The following SPOCK3 variants were observed in gnomAD, a reference collection of about 807,000 sequenced individuals.
SPOCK3 encodes testican-3.
Under a neutral mutation model 56.6 loss-of-function variants are expected in SPOCK3, and 30 were observed. The observed-to-expected ratio is 0.53, with a 90% CI of 0.40 to 0.72. SPOCK3 has a LOEUF of 0.72. Ranked by LOEUF, SPOCK3 falls within the 30% of genes least tolerant of loss-of-function variation. The pLI is 0.00. For missense variants in SPOCK3, 527 were observed against 530.0 expected (o/e 0.99, Z 0.06); for synonymous variants, 196 against 183.3 (o/e 1.07, Z -0.56).
In SPOCK3 at chr4:167,075,517, A is replaced by G. The variant is rs201396159; in HGVS notation, c.190-12980T>C. 3.3e-5 allele frequency among the ~76,000 whole-genome samples: 5 copies of G among 152,096 alleles called. No individual in the cohort carries two copies. In the East Asian group the frequency reaches 7.8e-4, roughly 24 times the overall value. Reference sequence around the variant, plus strand: ...CTGATAAAAATCTACGAATTCAACCAATAATAAAATGTCACATCTCCAAAA... The same window carrying G: ...CTGATAAAAATCTACGAATTCAACCGATAATAAAATGTCACATCTCCAAAA... On this transcript the variant is annotated intron_variant, in intron 2 of 10. Coordinates refer to ENST00000357545, the MANE Select transcript of SPOCK3 (RefSeq NM_001040159.2).
intron 2 of SPOCK3, among the ~76,000 whole-genome samples, chr4:167,125,187 G>T (rs1017379801): frequency 7.3e-6 from 1 of 137,072 alleles, no homozygotes; most frequent in African/African-American, 2.8e-5. Context: ...TGAGCACAGA[G>T]ATTTTTTATT....
At chr4:166,944,439 A>C (rs1039200188) in intron 4 of SPOCK3, among the ~76,000 whole-genome samples, 1 of 152,170 alleles carries the variant, frequency 6.6e-6, no homozygotes, top group Non-Finnish European at 1.5e-5. Flanking sequence ...TGTCCTTTTT[A>C]GTAAATGAAT....
intron 2 of SPOCK3, among the ~76,000 whole-genome samples, chr4:167,091,567 T>C (rs1280897039): frequency 6.6e-6 from 1 of 152,192 alleles, no homozygotes; most frequent in Non-Finnish European, 1.5e-5. Flanking sequence ...ATATGAAAAT[T>C]GCTGCTCCCT....
At chr4:166,932,434 C>A (rs940260924) in intron 4 of SPOCK3, among the ~76,000 whole-genome samples, 2 of 152,066 alleles carry the variant, frequency 1.3e-5, no homozygotes, top group African/African-American at 4.8e-5. Flanking sequence ...ATCCTGGTAA[C>A]ATTAAAGCTA....
At chr4:167,115,042 G>A (rs948760263) in intron 2 of SPOCK3, among the ~76,000 whole-genome samples, 1 of 152,128 alleles carries the variant, frequency 6.6e-6, no homozygotes, top group African/African-American at 2.4e-5. Context: ...GGGAACTGGA[G>A]CCTATAAGAA....
chr4:166,905,763 T>A (rs1015084981), intron 5 of SPOCK3, among the ~76,000 whole-genome samples: 2 of 151,842 alleles, frequency 1.3e-5, no homozygotes, highest in Non-Finnish European at 1.5e-5. Context: ...CTAGAAATAA[T>A]AAGTGAATTT....
chr4:167,204,484 G>C (rs1466133911), intron 2 of SPOCK3, among the ~76,000 whole-genome samples: 1 of 152,066 alleles, frequency 6.6e-6, no homozygotes, highest in Non-Finnish European at 1.5e-5. Context: ...GGAAATGCTA[G>C]ACACTTATAA....
At chr4:166,773,094 A>G (rs1041856650) in intron 7 of SPOCK3, among the ~76,000 whole-genome samples, 2 of 152,266 alleles carry the variant, frequency 1.3e-5, no homozygotes, top group Admixed American at 6.5e-5. Flanking sequence ...GCCTAGCTTC[A>G]TCTTAAGGTT....
chr4:167,093,649 T>A (rs958452656), intron 2 of SPOCK3, among the ~76,000 whole-genome samples: 1 of 152,242 alleles, frequency 6.6e-6, no homozygotes. Context: ...CTGCATAGTA[T>A]TTCATGGTGT....
chr4:166,970,191 G>A (rs1265752839), intron 4 of SPOCK3, among the ~76,000 whole-genome samples: 2 of 152,116 alleles, frequency 1.3e-5, no homozygotes, highest in Admixed American at 6.5e-5. Flanking sequence ...TCTGGTCTGA[G>A]GAGTTCATTG....
chr4:167,201,335 C>T (rs183320381), intron 2 of SPOCK3, among the ~76,000 whole-genome samples: 25 of 151,736 alleles, frequency 1.6e-4, no homozygotes. Context: ...TAATATTTTC[C>T]TCAGTCATTA....
chr4:166,995,569 T>C (rs1251846142), intron 4 of SPOCK3, among the ~76,000 whole-genome samples: 2 of 152,008 alleles, frequency 1.3e-5, no homozygotes, highest in Admixed American at 1.3e-4. Flanking sequence ...TATCTATCTA[T>C]CATCTATCTA....
At chr4:167,030,805 A>G (rs565828276) in intron 3 of SPOCK3, among the ~76,000 whole-genome samples, 1 of 152,114 alleles carries the variant, frequency 6.6e-6, no homozygotes, top group Admixed American at 6.6e-5. Context: ...CAGTAATCCT[A>G]GTTTTTAAAT....
intron 7 of SPOCK3, 102 bp from the exon 8 acceptor site, chr4:166,754,831 T>G: frequency 1.0e-6 from 1 of 1,003,278 alleles, no homozygotes; most frequent in Non-Finnish European, 1.5e-6. Flanking sequence ...GGACATCTAA[T>G]GAATAGTTAG....
chr4:166,890,175 T>C (rs945283918), intron 5 of SPOCK3, among the ~76,000 whole-genome samples: 1 of 151,928 alleles, frequency 6.6e-6, no homozygotes, highest in African/African-American at 2.4e-5. Context: ...GACCACAGGA[T>C]TGAAAGCACT....
intron 3 of SPOCK3, among the ~76,000 whole-genome samples, chr4:167,037,310 T>C (rs961280933): frequency 7.9e-5 from 12 of 151,954 alleles, no homozygotes; most frequent in Admixed American, 6.6e-4. Flanking sequence ...GGTGAAACCC[T>C]GTCTCTACTA....
intron 2 of SPOCK3, among the ~76,000 whole-genome samples, chr4:167,077,241 T>G (rs17599698): frequency 0.098 from 14,820 of 151,678 alleles, 911 homozygotes; most frequent in South Asian, 0.19. Flanking sequence ...TATAGAGAGA[T>G]AAGTTTTCAA....
chr4:166,861,031 T>G (rs1269682871), intron 6 of SPOCK3, among the ~76,000 whole-genome samples: 1 of 151,748 alleles, frequency 6.6e-6, no homozygotes, highest in African/African-American at 2.4e-5. Flanking sequence ...CCTAGGCAAG[T>G]AGCTGCAGTA....
intron 3 of SPOCK3, among the ~76,000 whole-genome samples, chr4:167,015,182 A>G (rs1279603624): frequency 7.2e-5 from 11 of 152,078 alleles, no homozygotes; most frequent in Non-Finnish European, 1.5e-4. Context: ...TAAAAAACCA[A>G]GTTATGACAT....
Sources: allele counts gnomAD v4.1 joint callset (sites outside exome capture counted in the v4.1 genomes callset), GRCh38; gene constraint gnomAD v4.1.1; transcripts MANE v1.5; gene names NCBI Gene and HGNC (gene_info 2026-07-23, HGNC 2026-07-21).